Variants in FBXW7 observed in about 807,000 individuals in gnomAD.
FBXW7 encodes the protein F-box/WD repeat-containing protein 7.
A neutral mutation model predicts 86.3 loss-of-function variants in FBXW7; 11 were observed. The observed-to-expected ratio is 0.13, with a 90% CI of 0.08 to 0.21. The LOEUF (loss-of-function observed/expected upper bound fraction) is 0.21, where lower values mean the gene tolerates loss of function less well. Among genes scored for constraint, FBXW7 ranks in the 10% least tolerant of loss-of-function variants. The pLI, the probability that FBXW7 is intolerant of heterozygous loss-of-function variation, is 1.00. For missense variants in FBXW7, 488 were observed against 847.4 expected, an observed-to-expected ratio of 0.58 and a Z score of 5.27; for synonymous variants, 313 against 297.9, an observed-to-expected ratio of 1.05 and a Z score of -0.52.
chr4:152,485,551 G>A (rs1745263624), intron 2 of FBXW7, among the ~76,000 whole-genome samples: 1 of 152,144 alleles, frequency 6.6e-6, no homozygotes, highest in South Asian at 2.1e-4. Flanking sequence ...GAACCTTGGT[G>A]TCACTAGGAA....
At position 152,501,447 on chromosome 4, in the gene FBXW7, C is replaced by T. The variant is rs530857789; in HGVS notation, c.-120+33494G>A. On this transcript the variant is annotated intron_variant, in intron 2 of 13. Coordinates refer to ENST00000281708, the MANE Select transcript of FBXW7 (RefSeq NM_001349798.2). Reference sequence around the variant, plus strand: ...CTGTAGAAATCAAAAACATGGAGAACTTATTGCCTAACTTGCTCAAAGGAT... The same window carrying T: ...CTGTAGAAATCAAAAACATGGAGAATTTATTGCCTAACTTGCTCAAAGGAT... Among the ~76,000 whole-genome samples, 12 of 152,252 alleles carry T rather than the reference C, an allele frequency of 7.9e-5. No individual in the cohort carries two copies. The East Asian group carries it at 2.3e-3, about 29-fold the overall frequency.
chr4:152,362,047 T>A (rs1733011401), intron 4 of FBXW7, among the ~76,000 whole-genome samples: 1 of 151,832 alleles, frequency 6.6e-6, no homozygotes. Context: ...AATACATGAT[T>A]CTAAAAACTC....
chr4:152,353,942 T>G (rs1394322456), intron 4 of FBXW7, among the ~76,000 whole-genome samples: 1 of 152,162 alleles, frequency 6.6e-6, no homozygotes, highest in Non-Finnish European at 1.5e-5. Context: ...CTATTCGAAG[T>G]AAGTTTCTCC....
chr4:152,401,211 A>G (rs2126841055), intron 4 of FBXW7, among the ~76,000 whole-genome samples: 1 of 152,314 alleles, frequency 6.6e-6, no homozygotes, highest in South Asian at 2.1e-4. Context: ...AGGAGTTAAA[A>G]ACTTAGTCCA....
At chr4:152,384,576 G>C (rs1242071120) in intron 4 of FBXW7, among the ~76,000 whole-genome samples, 1 of 151,946 alleles carries the variant, frequency 6.6e-6, no homozygotes, top group East Asian at 1.9e-4. Context: ...AGGAGAAAAT[G>C]AAAATATTCT....
At chr4:152,524,293 ACT>A (rs1459809915) in intron 2 of FBXW7, among the ~76,000 whole-genome samples, 5 of 152,190 alleles carry the variant, frequency 3.3e-5, no homozygotes, top group Admixed American at 3.3e-4. Context: ...CCTCTCAGCT[ACT>A]ATGTCACATA....
At chr4:152,458,212 G>T (rs1742621326) in intron 2 of FBXW7, among the ~76,000 whole-genome samples, 1 of 152,108 alleles carries the variant, frequency 6.6e-6, no homozygotes, top group Non-Finnish European at 1.5e-5. Context: ...TAGAGATGGG[G>T]TTTCACCATG....
chr4:152,499,154 G>A (rs768300222), intron 2 of FBXW7, among the ~76,000 whole-genome samples: 1 of 152,120 alleles, frequency 6.6e-6, no homozygotes, highest in Non-Finnish European at 1.5e-5. Context: ...TACCATGAAA[G>A]CTGAGCCTAG....
chr4:152,320,705 A>G lies in FBXW7; in HGVS notation c.*2176T>C, dbSNP rs1189248596. The G allele has an allele frequency of 3.3e-5, 5 of 152,104 alleles. No homozygotes were observed. Among genetic ancestry groups the G allele is most frequent in the Admixed American group, 3.3e-4 (5 of 15,250 alleles). 9.4% of individuals were successfully genotyped at this position (152,104 alleles called of 1,614,324 possible). On this transcript the variant is annotated 3_prime_UTR_variant, in exon 14 of 14. Transcript: ENST00000281708. ...GCTTTAGTCTGTCAAACTTTCTTAA[A>G]GAGCAGCATGTATTTAGTCTTTGGA... is the stretch of plus-strand genomic sequence containing the variant.
At chr4:152,354,686 T>G (rs922992468) in intron 4 of FBXW7, among the ~76,000 whole-genome samples, 1 of 152,124 alleles carries the variant, frequency 6.6e-6, no homozygotes, top group Non-Finnish European at 1.5e-5. Context: ...CTTAACTTTG[T>G]ATATTCAAAG....
intron 5 of FBXW7, among the ~76,000 whole-genome samples, chr4:152,349,515 G>A (rs574569884): frequency 6.6e-6 from 1 of 151,756 alleles, no homozygotes; most frequent in East Asian, 1.9e-4. Flanking sequence ...TTACAATTAT[G>A]TTTCATTGTT....
intron 6 of FBXW7, among the ~76,000 whole-genome samples, chr4:152,345,030 A>G (rs956237336): frequency 6.6e-5 from 10 of 152,242 alleles, no homozygotes; most frequent in African/African-American, 2.4e-4. Flanking sequence ...AGAATGATAT[A>G]TGCTGTTCAC....
intron 4 of FBXW7, among the ~76,000 whole-genome samples, chr4:152,355,874 C>T (rs959759622): frequency 1.3e-5 from 2 of 152,162 alleles, no homozygotes; most frequent in African/African-American, 2.4e-5. Context: ...ATCATTAACC[C>T]GTGAGCTCCT....
At position 152,337,103 on chromosome 4, in the gene FBXW7, A is replaced by G. The variant is rs567051129; in HGVS notation, c.861+699T>C. 2.0e-5 allele frequency among the ~76,000 whole-genome samples: 3 copies of G among 152,060 alleles called. No homozygotes were observed. The East Asian group carries it at 5.8e-4, about 29-fold the overall frequency. Reference sequence around the variant, plus strand: ...TAATATCAATAAAGGAACTATATCTAAACTATGCCTTATAGTTATGAATGC... The same window carrying G: ...TAATATCAATAAAGGAACTATATCTGAACTATGCCTTATAGTTATGAATGC... On this transcript the variant is annotated intron_variant, in intron 7 of 13. Coordinates refer to ENST00000281708, the MANE Select transcript of FBXW7 (RefSeq NM_001349798.2).
Position 152,328,148 on chromosome 4 carries a change from G to A in FBXW7, c.1418+60C>T, listed in dbSNP as rs1729228775. On this transcript the variant is annotated intron_variant, in intron 11 of 13. Transcript: ENST00000281708. Reference sequence around the variant, plus strand: ...CTATTTCAGTAACTCTACACAGAAAGGGCCCAAATTCACCAATAATAGAGG... The same window carrying A: ...CTATTTCAGTAACTCTACACAGAAAAGGCCCAAATTCACCAATAATAGAGG... The A allele has an allele frequency of 2.1e-6, 3 of 1,410,638 alleles. No homozygotes were observed. In the South Asian group the frequency reaches 4.0e-5, roughly 19 times the overall value. The allele number at this position is 1,410,638 out of a possible 1,614,324, so 87.4% of individuals were successfully genotyped here. A position where few individuals can be genotyped will look rare whatever the true frequency, so the allele number is the denominator to read the frequency against.
At chr4:152,337,986 TACAGGC>T in intron 6 of FBXW7, 50 bp from the exon 7 acceptor site, 5 of 1,553,560 alleles carry the variant, frequency 3.2e-6, no homozygotes, top group Admixed American at 3.9e-5. Context: ...TGTCCCAAAT[TACAGGC>T]TTATAAAGGA....
chr4:152,475,357 T>C (rs1412634641), intron 2 of FBXW7, among the ~76,000 whole-genome samples: 2 of 151,906 alleles, frequency 1.3e-5, no homozygotes, highest in Non-Finnish European at 2.9e-5. Flanking sequence ...GGCCCAACAG[T>C]TTGAAGCTGC....
chr4:152,351,836 C>G (rs1479506375), intron 4 of FBXW7, among the ~76,000 whole-genome samples: 1 of 152,054 alleles, frequency 6.6e-6, no homozygotes, highest in African/African-American at 2.4e-5. Context: ...TTATTTCCAT[C>G]TTAGAAATCC....
At chr4:152,463,346 G>C (rs571049931) in intron 2 of FBXW7, among the ~76,000 whole-genome samples, 1 of 151,872 alleles carries the variant, frequency 6.6e-6, no homozygotes, top group African/African-American at 2.4e-5. Context: ...CAGAAACTTC[G>C]TTGTAAGTTT....
Sources: gnomAD v4.1 joint callset for allele counts (sites outside exome capture counted in the v4.1 genomes callset) on GRCh38, gnomAD v4.1.1 for gene constraint, MANE v1.5 for transcripts, NCBI Gene and HGNC (gene_info 2026-07-23, HGNC 2026-07-21) for gene names.